The following NAGPA variants were observed in gnomAD, a reference collection of about 807,000 sequenced individuals.
NAGPA encodes the protein N-acetylglucosamine-1-phosphodiester alpha-N-acetylglucosaminidase, also known as alpha-N-acetylglucosaminyl phosphodiesterase.
In NAGPA, 56 loss-of-function variants were observed where a neutral mutation model predicts 48.5. The ratio of observed to expected loss-of-function variants is 1.15; its 90% CI spans 0.93 to 1.44. NAGPA has a LOEUF of 1.44. NAGPA is among the 40% of genes most tolerant of loss of function. The pLI, the probability that NAGPA is intolerant of heterozygous loss-of-function variation, is 0.00. For missense variants in NAGPA, 888 were observed against 735.0 expected (o/e 1.21, Z -2.41); for synonymous variants, 399 against 315.5 (o/e 1.26, Z -2.81).
rs1281801499 is a variant in NAGPA, at chr16:5,033,424, C to A, written c.391G>T (p.Asp131Tyr). 6.3e-7 allele frequency: 1 copy of A among 1,594,838 alleles called. No homozygotes were observed. The highest frequency in any genetic ancestry group is 1.7e-5 in the Admixed American group (1 of 59,808). Reference protein sequence around the residue: ...ATVEETARAADCRVAQNGGFF... With the variant: ...ATVEETARAAYCRVAQNGGFF... ...CCGCCGTTCTGGGCGACACGGCAGTCGGCCGCCCGCGCCGTCTCCTCCACG... is the reference window on the plus strand; with the variant it reads ...CCGCCGTTCTGGGCGACACGGCAGTAGGCCGCCCGCGCCGTCTCCTCCACG... The change falls in exon 2 of 10, where the codon GAC becomes TAC. Residue 131 changes from aspartate (D) to tyrosine (Y), a missense_variant. Transcript: ENST00000312251. This position sits in a 1 kb window ranked among gnomAD's most constrained non-coding sequence, Gnocchi z 4.2.
intron 2 of NAGPA, 50 bp from the exon 3 acceptor site, chr16:5,031,934 G>T (rs1200600874): frequency 1.9e-6 from 3 of 1,612,890 alleles, no homozygotes; most frequent in Non-Finnish European, 2.5e-6. Flanking sequence ...GGCAACTGCA[G>T]ATAGTCAGGC....
exon 1 of NAGPA, chr16:5,033,923 GGGGCCTCGGGTCATGT>G (rs1170925597): frequency 1.7e-5 from 27 of 1,548,546 alleles, no homozygotes; most frequent in Admixed American, 4.9e-4. This position sits in a 1 kb window ranked among gnomAD's most constrained non-coding sequence, Gnocchi z 4.2. Flanking sequence ...ATATTGGACC[GGGGCCTCGGGTCATGT>G]GGGCTCGCCT....
chr16:5,030,670 GTCTCT>G (rs1460716418), intron 3 of NAGPA, 177 bp from the exon 4 acceptor site: 1 of 671,036 alleles, frequency 1.5e-6, no homozygotes, highest in Non-Finnish European at 2.7e-6. Flanking sequence ...CAGCCGGGGG[GTCTCT>G]TCTTACAGGT....
At position 5,027,518 on chromosome 16, in the gene NAGPA, C is replaced by T. The variant is rs11865655; in HGVS notation, c.1175-139G>A. The T allele has an allele frequency of 3.2e-3, 2,844 of 887,484 alleles. 52 individuals are homozygous for T. The African/African-American group carries it at 0.04, about 13-fold the overall frequency. 55.0% of individuals were successfully genotyped at this position (887,484 alleles called of 1,614,324 possible). The stretch of plus-strand genomic sequence containing the variant: ...GGCTAAAGGTGAAGCACCCCCTGCC[C>T]TCCCTGGACTAGCCCCTGAACGTGA... On this transcript the variant is annotated intron_variant, in intron 7 of 9. Transcript: ENST00000312251.
rs976292204 is a variant in NAGPA, at chr16:5,027,818, C to T, written c.1174+28G>A. The T allele has an allele frequency of 3.9e-6, 6 of 1,552,802 alleles. No individual in the cohort carries two copies. The African/African-American group carries it at 4.1e-5, about 11-fold the overall frequency. Reference sequence around the variant, plus strand: ...GGGCTGCCGGGGGCCACCGTCTCCCCATCCGCTAGTGGCGTGGCAGCTCCT... The same window carrying T: ...GGGCTGCCGGGGGCCACCGTCTCCCTATCCGCTAGTGGCGTGGCAGCTCCT... On this transcript the variant is annotated intron_variant, in intron 7 of 9. Coordinates refer to ENST00000312251, the MANE Select transcript of NAGPA (RefSeq NM_016256.4).
chr16:5,031,676 G>T lies in NAGPA; in HGVS notation c.682+69C>A, dbSNP rs1350457196. ...GCTCAATACTTGTTGAAAGACTTAA[G>T]AACAGCTCCGCCCAGCCCACTGGTC... On this transcript the variant is annotated intron_variant, in intron 3 of 9. Transcript: ENST00000312251. 3 of 1,603,642 alleles carry T rather than the reference G, an allele frequency of 1.9e-6. No homozygotes were observed. In the African/African-American group the frequency reaches 4.0e-5, roughly 21 times the overall value.
chr16:5,025,776 G>C, intron 9 of NAGPA, 91 bp from the exon 10 acceptor site: 1 of 1,353,032 alleles, frequency 7.4e-7, no homozygotes, highest in South Asian at 1.3e-5. Flanking sequence ...ACCCGGCATA[G>C]ATAGCACTAA....
In NAGPA at chr16:5,025,191, A is replaced by G. The variant is rs59846291; in HGVS notation, c.*287T>C. Reference sequence around the variant, plus strand: ...CCCAGGAGGAGGGAGACTCTTTGGCAGTGCGGCAGCCCTCCCGGGGGCACG... The same window carrying G: ...CCCAGGAGGAGGGAGACTCTTTGGCGGTGCGGCAGCCCTCCCGGGGGCACG... On this transcript the variant is annotated 3_prime_UTR_variant, in exon 10 of 10. Transcript: ENST00000312251. 7.1e-4 allele frequency: 346 copies of G among 488,966 alleles called. No individual in the cohort carries two copies. The highest frequency in any genetic ancestry group is 5.5e-3 in the African/African-American group (284 of 51,594). The allele number at this position is 488,966 out of a possible 1,614,324, so 30.3% of individuals were successfully genotyped here.
chr16:5,025,232 G>C lies in NAGPA; in HGVS notation c.*246C>G. On this transcript the variant is annotated 3_prime_UTR_variant, in exon 10 of 10. Coordinates refer to ENST00000312251, the MANE Select transcript of NAGPA (RefSeq NM_016256.4). Reference sequence around the variant, plus strand: ...CGGGGGCACGGGCTTCTCGGCAGCAGACACAGGCAGGCCAGAAGCAGGCAG... The same window carrying C: ...CGGGGGCACGGGCTTCTCGGCAGCACACACAGGCAGGCCAGAAGCAGGCAG... The C allele has an allele frequency of 3.5e-6, 2 of 572,576 alleles. No individual in the cohort carries two copies. The highest frequency in any genetic ancestry group is 6.3e-6 in the Non-Finnish European group (2 of 319,840). 35.5% of individuals were successfully genotyped at this position (572,576 alleles called of 1,614,324 possible). A position where few individuals can be genotyped will look rare whatever the true frequency, so the allele number is the denominator to read the frequency against.
chr16:5,031,536 A>C, intron 3 of NAGPA: 4 of 665,018 alleles, frequency 6.0e-6, no homozygotes, highest in Non-Finnish European at 1.0e-5. Context: ...CTGAGCACTT[A>C]TCAATTCTTT....
Position 5,031,624 on chromosome 16 carries a change from C to A in NAGPA, c.682+121G>T, listed in dbSNP as rs975698320. The A allele has an allele frequency of 5.1e-6, 7 of 1,361,880 alleles. No individual in the cohort carries two copies. The Admixed American group carries it at 1.2e-4, about 23-fold the overall frequency. 84.4% of individuals were successfully genotyped at this position (1,361,880 alleles called of 1,614,324 possible). On this transcript the variant is annotated intron_variant, in intron 3 of 9. Coordinates refer to ENST00000312251, the MANE Select transcript of NAGPA (RefSeq NM_016256.4). ...TTCCTCCCCATGAATCCCCAGTACC[C>A]AGAATAGTGCTGGGCACAAAGTAGC...
intron 9 of NAGPA, among the ~76,000 whole-genome samples, chr16:5,026,300 C>T (rs1187033815): frequency 1.3e-5 from 2 of 150,824 alleles, no homozygotes; most frequent in Non-Finnish European, 2.9e-5. Flanking sequence ...AATCCCAGCA[C>T]TTTGTGAGGC....
rs1182968114 is a variant in NAGPA at position 5,025,475 on chromosome 16, G to T, written c.*3C>A. Reference sequence around the variant, plus strand: ...GACGTGCCACCCCGGGCAGCTTGAGGCTTCAGTCCTTGAAGGGGTTGTGGG... The same window carrying T: ...GACGTGCCACCCCGGGCAGCTTGAGTCTTCAGTCCTTGAAGGGGTTGTGGG... On this transcript the variant is annotated 3_prime_UTR_variant, in exon 10 of 10. Coordinates refer to ENST00000312251, the MANE Select transcript of NAGPA (RefSeq NM_016256.4). The T allele has an allele frequency of 3.1e-6, 5 of 1,611,842 alleles. No individual in the cohort carries two copies. Among genetic ancestry groups the T allele is most frequent in the African/African-American group, 1.3e-5 (1 of 74,990 alleles).
chr16:5,025,719 T>G (rs1224850882), intron 9 of NAGPA, 34 bp from the exon 10 acceptor site: 13 of 1,565,206 alleles, frequency 8.3e-6, no homozygotes, highest in East Asian at 7.2e-5. Flanking sequence ...AGTGGGGGAC[T>G]GCTGGGTGGG....
rs1168948763 is a variant in NAGPA, at chr16:5,033,915, A to T, written c.-1T>A. On this transcript the variant is annotated 5_prime_UTR_variant, in exon 1 of 10. Transcript: ENST00000312251. The surrounding 1 kb of genome is among the most constrained non-coding windows in gnomAD (Gnocchi z 4.2). ...GCCAGCGACCCGTGGAGGTCGCCAT[A>T]TTGGACCGGGGCCTCGGGTCATGTG... 1.3e-6 allele frequency: 2 copies of T among 1,548,840 alleles called. No homozygotes were observed. The highest frequency in any genetic ancestry group is 2.7e-5 in the African/African-American group (2 of 72,956).
chr16:5,033,140 G>C lies in NAGPA; in HGVS notation c.542+133C>G. 2 of 1,067,668 alleles carry C rather than the reference G, an allele frequency of 1.9e-6. No homozygotes were observed. The highest frequency in any genetic ancestry group is 2.7e-6 in the Non-Finnish European group (2 of 731,216). 66.1% of individuals were successfully genotyped at this position (1,067,668 alleles called of 1,614,324 possible). A position where few individuals can be genotyped will look rare whatever the true frequency, so the allele number is the denominator to read the frequency against. On this transcript the variant is annotated intron_variant, in intron 2 of 9. Transcript: ENST00000312251. The surrounding 1 kb of genome is among the most constrained non-coding windows in gnomAD (Gnocchi z 4.2). ...TGATGAATAAACTCTGCAAGGAAGC[G>C]ATTCCTATCCCCATTCTGCAGAGGA... is the stretch of plus-strand genomic sequence containing the variant.
At chr16:5,030,643 TC>T in intron 3 of NAGPA, 150 bp from the exon 4 acceptor site, 1 of 720,506 alleles carries the variant, frequency 1.4e-6, no homozygotes, top group Non-Finnish European at 2.5e-6. Context: ...CCTCTGCACA[TC>T]CCAGTCTCCC....
rs766738531 is a variant in NAGPA at position 5,029,057 on chromosome 16, T to G, written c.792-49A>C. 3 of 1,606,796 alleles carry G rather than the reference T, an allele frequency of 1.9e-6. No homozygotes were observed. In the South Asian group the frequency reaches 3.3e-5, roughly 18 times the overall value. ...CAGGCTCAGCGCCCACCATCATTTC[T>G]CATTTAACTCCTTTTCCTTCCACAG... On this transcript the variant is annotated intron_variant, in intron 4 of 9. Coordinates refer to ENST00000312251, the MANE Select transcript of NAGPA (RefSeq NM_016256.4).
At position 5,030,493 on chromosome 16, in the gene NAGPA, C is replaced by A. The variant is rs1956079447; in HGVS notation, c.683G>T (p.Gly228Val). ...ATECDETQET[G>V]SFSKFVNVIS... is the part of the protein sequence containing the mutation. The stretch of plus-strand genomic sequence containing the variant: ...CACATTCACAAATTTGCTAAAGGAA[C>A]CTGAAGGAAAAGCAGCCTGGCTGAT... Residue 228 changes from glycine to valine, a missense_variant and splice_region_variant, in exon 4 of 10, where the codon GGT (glycine) becomes GTT (valine). Coordinates refer to ENST00000312251, the MANE Select transcript of NAGPA (RefSeq NM_016256.4). 61 of 1,552,636 alleles carry A rather than the reference C, an allele frequency of 3.9e-5. No individual in the cohort carries two copies. The highest frequency in any genetic ancestry group is 5.2e-5 in the Non-Finnish European group (60 of 1,147,400).
Sources: gnomAD v4.1 joint callset for allele counts (sites outside exome capture counted in the v4.1 genomes callset) on GRCh38, gnomAD v4.1.1 for gene constraint, Gnocchi (gnomAD v3.1) non-coding constraint, MANE v1.5 for transcripts, NCBI Gene and HGNC (gene_info 2026-07-23, HGNC 2026-07-21) for gene names.